The following CXCL13 variants were observed in gnomAD, a reference collection of about 807,000 sequenced individuals.
CXCL13 encodes C-X-C motif chemokine ligand 13.
Under a neutral mutation model 12.2 loss-of-function variants are expected in CXCL13, and 7 were observed. The ratio of observed to expected loss-of-function variants is 0.57; its 90% CI spans 0.33 to 1.07. The LOEUF (loss-of-function observed/expected upper bound fraction) is 1.07, where lower values mean the gene tolerates loss of function less well. Ranked by LOEUF, CXCL13 falls within the 50% of genes least tolerant of loss-of-function variation. The probability of loss-of-function intolerance (pLI) is 0.04; values close to 1 mark genes in which losing one functional copy is unlikely to be tolerated. For synonymous variants in CXCL13, 47 were observed against 42.4 expected, an observed-to-expected ratio of 1.11 and a Z score of -0.42; for missense variants, 113 against 127.4, an observed-to-expected ratio of 0.89 and a Z score of 0.55.
At chr4:77,538,103 C>A (rs1161418644) in intron 1 of CXCL13, among the ~76,000 whole-genome samples, 3 of 152,154 alleles carry the variant, frequency 2.0e-5, no homozygotes, top group Admixed American at 1.3e-4. Flanking sequence ...TGATGGAACA[C>A]CTTGAACCCA....
intron 1 of CXCL13, among the ~76,000 whole-genome samples, chr4:77,587,735 G>C (rs1334291528): frequency 1.3e-5 from 2 of 152,224 alleles, no homozygotes; most frequent in African/African-American, 4.8e-5. Flanking sequence ...GAAGAGCCAG[G>C]ATTCAAGTCG....
chr4:77,570,483 T>A (rs1037259363), intron 1 of CXCL13, among the ~76,000 whole-genome samples: 3 of 152,132 alleles, frequency 2.0e-5, no homozygotes, highest in African/African-American at 7.2e-5. Flanking sequence ...GTAATCCCAG[T>A]GAGAGGTGAC....
intron 2 of CXCL13, among the ~76,000 whole-genome samples, chr4:77,608,798 A>G (rs371424629): frequency 6.6e-6 from 1 of 152,318 alleles, no homozygotes; most frequent in South Asian, 2.1e-4. Flanking sequence ...AAACTCAGAG[A>G]TGTGAAGTCT....
Position 77,599,820 on chromosome 4 carries a change from G to A in CXCL13, c.-42-6004G>A, listed in dbSNP as rs59220090. On this transcript the variant is annotated intron_variant, in intron 1 of 4. Transcript: ENST00000286758. ...CAGTGTGGAAAGTGGATTGGGATTG[G>A]GGATGGGAAAAGAGCAGTTAGCAAG... Among the ~76,000 whole-genome samples, 601 of 152,320 alleles carry A rather than the reference G, an allele frequency of 3.9e-3. 2 individuals are homozygous for A. Among genetic ancestry groups the A allele is most frequent in the African/African-American group, 0.014 (569 of 41,566 alleles).
chr4:77,608,249 TGACCAACATGGAGAAA>T (rs1727042392), intron 2 of CXCL13, among the ~76,000 whole-genome samples: 1 of 152,120 alleles, frequency 6.6e-6, no homozygotes, highest in Non-Finnish European at 1.5e-5. Context: ...GAGACCAGCC[TGACCAACATGGAGAAA>T]CCCCGTCTCT....
chr4:77,516,022 T>C (rs1333979432), intron 1 of CXCL13, among the ~76,000 whole-genome samples: 1 of 152,248 alleles, frequency 6.6e-6, no homozygotes, highest in African/African-American at 2.4e-5. Context: ...CGTGAAGTGC[T>C]GTTGAATTTT....
At chr4:77,516,990 G>C (rs1171547174) in intron 1 of CXCL13, among the ~76,000 whole-genome samples, 1 of 152,038 alleles carries the variant, frequency 6.6e-6, no homozygotes, top group Admixed American at 6.6e-5. Flanking sequence ...GTGTCCCAGA[G>C]ATTCTGGTAT....
At chr4:77,548,121 C>A (rs553797651) in intron 1 of CXCL13, among the ~76,000 whole-genome samples, 3 of 151,976 alleles carry the variant, frequency 2.0e-5, no homozygotes, top group Admixed American at 1.3e-4. Flanking sequence ...AGCAGAAGTC[C>A]AAAAAAGATT....
At chr4:77,605,963 G>A in intron 1 of CXCL13, 34 bp downstream of exon 1, 1 of 1,483,338 alleles carries the variant, frequency 6.7e-7, no homozygotes, top group Non-Finnish European at 9.4e-7. Context: ...ACTGTTTGTT[G>A]AACAGAAATA....
rs201038732 is a variant in CXCL13 at position 77,573,250 on chromosome 4, T to TA, written c.-42-32566dup. ...CTGAACTTAAAATAAAAGTTAAATT[T>TA]AAAAAAAAGAAATTTTCTAAGAGAA... On this transcript the variant is annotated intron_variant, in intron 1 of 4. Coordinates refer to the CXCL13 transcript ENST00000286758. Among the ~76,000 whole-genome samples the TA allele has an allele frequency of 3.7e-3, 559 of 151,668 alleles. 22 individuals carry two copies. The highest frequency in any genetic ancestry group is 0.013 in the African/African-American group (533 of 41,146).
intron 1 of CXCL13, among the ~76,000 whole-genome samples, chr4:77,513,807 T>C (rs1467193370): frequency 3.7e-5 from 4 of 106,780 alleles, no homozygotes; most frequent in African/African-American, 1.2e-4. Flanking sequence ...GGTATCTCTT[T>C]TTTTTTTTTT....
intron 1 of CXCL13, among the ~76,000 whole-genome samples, chr4:77,518,790 C>T (rs1396024996): frequency 6.6e-6 from 1 of 152,232 alleles, no homozygotes; most frequent in Non-Finnish European, 1.5e-5. Context: ...CTTCTCTCAA[C>T]TCTTCAAAGT....
intron 1 of CXCL13, among the ~76,000 whole-genome samples, chr4:77,538,006 A>G (rs957575740): frequency 6.6e-6 from 1 of 152,334 alleles, no homozygotes; most frequent in Middle Eastern, 3.4e-3. Flanking sequence ...CTCTGCCCCC[A>G]GAGAGTAAGA....
At chr4:77,539,060 CTTT>C (rs34238488) in intron 1 of CXCL13, among the ~76,000 whole-genome samples, 18 of 141,716 alleles carry the variant, frequency 1.3e-4, no homozygotes, top group African/African-American at 3.4e-4. Flanking sequence ...CTAATTTGAC[CTTT>C]TTTTTTTTTT....
intron 1 of CXCL13, among the ~76,000 whole-genome samples, chr4:77,571,925 T>C (rs1430102764): frequency 6.6e-6 from 1 of 151,678 alleles, no homozygotes; most frequent in East Asian, 1.9e-4. Context: ...CAACTCCAGA[T>C]GTGCTGCCTT....
At chr4:77,523,878 C>G (rs1018045558) in intron 1 of CXCL13, among the ~76,000 whole-genome samples, 1 of 152,120 alleles carries the variant, frequency 6.6e-6, no homozygotes, top group Admixed American at 6.5e-5. Flanking sequence ...TGTTGGTGAC[C>G]TACAGATGGG....
At chr4:77,563,380 C>A (rs999258986) in intron 1 of CXCL13, among the ~76,000 whole-genome samples, 2 of 152,160 alleles carry the variant, frequency 1.3e-5, no homozygotes, top group African/African-American at 4.8e-5. Flanking sequence ...AGTTTCCCTG[C>A]GAGATTAATG....
In CXCL13 at chr4:77,518,284, G is replaced by C. The variant is rs1483783676; in HGVS notation, c.-43+6496G>C. ...GACAATTCTGTGTCTTGGAGTTGCT[G>C]TTCTGGAGGAGTATCTTTGTGGCGT... On this transcript the variant is annotated intron_variant, in intron 1 of 4. Coordinates refer to the CXCL13 transcript ENST00000286758. 2.0e-5 allele frequency among the ~76,000 whole-genome samples: 3 copies of C among 152,110 alleles called. No homozygotes were observed. In the East Asian group the frequency reaches 5.8e-4, roughly 29 times the overall value.
intron 1 of CXCL13, among the ~76,000 whole-genome samples, chr4:77,566,365 C>T (rs996235879): frequency 1.3e-5 from 2 of 152,186 alleles, no homozygotes; most frequent in Non-Finnish European, 2.9e-5. Context: ...TTGCACAAAA[C>T]TTTGACTTGC....
Sources: allele counts gnomAD v4.1 joint callset (sites outside exome capture counted in the v4.1 genomes callset), GRCh38; gene constraint gnomAD v4.1.1; transcripts MANE v1.5; gene names NCBI Gene and HGNC (gene_info 2026-07-23, HGNC 2026-07-21).